Variants in LINGO2 observed in about 807,000 individuals in gnomAD.
LINGO2 encodes leucine-rich repeat and immunoglobulin-like domain-containing nogo receptor-interacting protein 2.
In LINGO2, 14 loss-of-function variants were observed where a neutral mutation model predicts 30.6. The ratio of observed to expected loss-of-function variants is 0.46; its 90% CI spans 0.30 to 0.72. LINGO2 has a LOEUF of 0.72. Ranked by LOEUF, LINGO2 falls within the 30% of genes least tolerant of loss-of-function variation. LINGO2 has a pLI of 0.07. For missense variants in LINGO2, 729 were observed against 751.7 expected (o/e 0.97, Z 0.35); for synonymous variants, 317 against 288.5 (o/e 1.10, Z -1.00).
At chr9:28,200,925 T>A (rs1052854626) in intron 4 of LINGO2, among the ~76,000 whole-genome samples, 7 of 151,706 alleles carry the variant, frequency 4.6e-5, no homozygotes, top group Admixed American at 2.6e-4. Context: ...AATAAATCAA[T>A]AAATCAATAA....
At chr9:28,465,047 T>C (rs998761810) in intron 2 of LINGO2, among the ~76,000 whole-genome samples, 5 of 152,156 alleles carry the variant, frequency 3.3e-5, no homozygotes, top group African/African-American at 1.2e-4. Flanking sequence ...CCTGTGGCAG[T>C]GTCTACAGGT....
the LINGO2 span, among the ~76,000 whole-genome samples, chr9:28,952,553 G>A: frequency 6.6e-6 from 1 of 152,094 alleles, no homozygotes; most frequent in Admixed American, 6.6e-5. Context: ...GTAGAGGAAT[G>A]TGACTTCTGA....
At chr9:28,358,510 C>G (rs866576480) in intron 3 of LINGO2, among the ~76,000 whole-genome samples, 15 of 152,150 alleles carry the variant, frequency 9.9e-5, no homozygotes, top group African/African-American at 3.6e-4. Flanking sequence ...CCACAGGTCT[C>G]AGGATGACAG....
At chr9:28,326,374 C>T (rs1298793777) in intron 3 of LINGO2, among the ~76,000 whole-genome samples, 1 of 152,180 alleles carries the variant, frequency 6.6e-6, no homozygotes, top group Non-Finnish European at 1.5e-5. Context: ...GTTTTTTCCT[C>T]AGATTCTTTA....
chr9:28,748,383 C>T, the LINGO2 span, among the ~76,000 whole-genome samples: 1 of 37,194 alleles, frequency 2.7e-5, no homozygotes, highest in African/African-American at 9.8e-5. Flanking sequence ...CTAATTTCTG[C>T]AAAATAGAAA....
At chr9:28,651,161 C>T (rs1180023330) in intron 1 of LINGO2, among the ~76,000 whole-genome samples, 18 of 148,722 alleles carry the variant, frequency 1.2e-4, no homozygotes, top group Admixed American at 6.8e-4. Context: ...CCAGCCTGGG[C>T]GACAGAGCAA....
At chr9:28,015,664 G>C (rs1822792781) in intron 4 of LINGO2, among the ~76,000 whole-genome samples, 1 of 152,096 alleles carries the variant, frequency 6.6e-6, no homozygotes, top group African/African-American at 2.4e-5. Context: ...TGATGCCAAG[G>C]ATAGTTGTTT....
rs544498481 is a variant in LINGO2, at chr9:28,346,022, T to C, written c.-246+26814A>G. ...AATAATTTGGATAACTAAAGCATCA[T>C]CCACAGATTTCTGATTTATCAGAAA... On this transcript the variant is annotated intron_variant, in intron 3 of 5. Coordinates refer to ENST00000379992, the Ensembl canonical transcript of LINGO2. 4.3e-4 allele frequency among the ~76,000 whole-genome samples: 66 copies of C among 152,310 alleles called. 1 individual carries two copies. The South Asian group carries it at 0.013, about 29-fold the overall frequency.
chr9:29,081,034 C>T, the LINGO2 span, among the ~76,000 whole-genome samples: 1 of 151,972 alleles, frequency 6.6e-6, no homozygotes, highest in South Asian at 2.1e-4. Flanking sequence ...TGAAACTATT[C>T]CAATCATTAG....
the LINGO2 span, among the ~76,000 whole-genome samples, chr9:28,979,063 C>G: frequency 1.4e-4 from 21 of 152,076 alleles, no homozygotes; most frequent in Non-Finnish European, 2.1e-4. Flanking sequence ...CTCTTCTACC[C>G]TGCTGTCTGC....
chr9:28,899,107 G>T, the LINGO2 span, among the ~76,000 whole-genome samples: 1 of 152,142 alleles, frequency 6.6e-6, no homozygotes, highest in Non-Finnish European at 1.5e-5. Flanking sequence ...AGAGATTATA[G>T]CATCTGGGTA....
chr9:29,199,421 ACC>A, the LINGO2 span, among the ~76,000 whole-genome samples: 1 of 152,054 alleles, frequency 6.6e-6, no homozygotes, highest in Non-Finnish European at 1.5e-5. Context: ...AAGAGAATCC[ACC>A]AAACCCAGGG....
At chr9:28,632,254 G>T (rs1431556630) in intron 1 of LINGO2, among the ~76,000 whole-genome samples, 1 of 152,086 alleles carries the variant, frequency 6.6e-6, no homozygotes, top group African/African-American at 2.4e-5. Flanking sequence ...GTTAAAGTGG[G>T]AGAGAGCAAT....
chr9:28,325,518 C>G (rs544561335), intron 3 of LINGO2, among the ~76,000 whole-genome samples: 1 of 152,076 alleles, frequency 6.6e-6, no homozygotes, highest in Admixed American at 6.5e-5. Flanking sequence ...GGGAGGGACC[C>G]GGTGGGAGAT....
At chr9:28,678,446 C>T in the LINGO2 span, among the ~76,000 whole-genome samples, 2 of 152,076 alleles carry the variant, frequency 1.3e-5, no homozygotes, top group African/African-American at 4.8e-5. Flanking sequence ...TGTTTGGCTT[C>T]CTGAAGTTTT....
chr9:28,538,244 TA>T (rs1302476157), intron 1 of LINGO2, among the ~76,000 whole-genome samples: 2 of 151,734 alleles, frequency 1.3e-5, no homozygotes, highest in Non-Finnish European at 2.9e-5. Flanking sequence ...CAATATAAAA[TA>T]AAATAGGAAT....
chr9:28,037,084 C>T (rs944646), intron 4 of LINGO2, among the ~76,000 whole-genome samples: 113,031 of 152,036 alleles, frequency 0.74, 42,756 homozygotes, highest in Non-Finnish European at 0.82. Context: ...ATTCCTATTT[C>T]TAAGGATCCG....
chr9:28,285,866 T>G (rs1823489335), intron 4 of LINGO2, among the ~76,000 whole-genome samples: 1 of 152,158 alleles, frequency 6.6e-6, no homozygotes, highest in South Asian at 2.1e-4. Context: ...TAATAAATTC[T>G]ACCCAGTAGT....
At chr9:28,875,888 G>T in the LINGO2 span, among the ~76,000 whole-genome samples, 1 of 151,844 alleles carries the variant, frequency 6.6e-6, no homozygotes, top group Non-Finnish European at 1.5e-5. Flanking sequence ...ATACATTTAT[G>T]TTTTCATTTC....
Sources: allele counts gnomAD v4.1 joint callset (sites outside exome capture counted in the v4.1 genomes callset), GRCh38; gene constraint gnomAD v4.1.1; transcripts MANE v1.5; gene names NCBI Gene and HGNC (gene_info 2026-07-23, HGNC 2026-07-21).